Variants in KLF12 observed in about 807,000 individuals in gnomAD.
KLF12 encodes the protein KLF transcription factor 12.
In KLF12, 9 loss-of-function variants were observed where a neutral mutation model predicts 37.8. The ratio of observed to expected loss-of-function variants is 0.24; its 90% CI spans 0.14 to 0.42. KLF12 has a LOEUF of 0.42. KLF12 is among the 10% of genes least tolerant of loss of function. KLF12 has a pLI of 1.00. For missense variants in KLF12, 411 were observed against 516.0 expected, an observed-to-expected ratio of 0.80 and a Z score of 1.97; for synonymous variants, 208 against 202.1, an observed-to-expected ratio of 1.03 and a Z score of -0.25.
At chr13:73,915,615 C>T (rs1275101496) in intron 3 of KLF12, among the ~76,000 whole-genome samples, 2 of 151,776 alleles carry the variant, frequency 1.3e-5, no homozygotes, top group African/African-American at 4.8e-5. Context: ...CAGGTTCATG[C>T]CATTCTCCTG....
At chr13:73,753,183 T>TGGGAC (rs1280487120) in intron 6 of KLF12, among the ~76,000 whole-genome samples, 1 of 152,026 alleles carries the variant, frequency 6.6e-6, no homozygotes, top group Non-Finnish European at 1.5e-5. Flanking sequence ...GGACTACATG[T>TGGGAC]TTCTGCTCCC....
chr13:73,720,952 AAAAACCAGAGCAG>A (rs1459078398), intron 6 of KLF12, among the ~76,000 whole-genome samples: 3 of 152,232 alleles, frequency 2.0e-5, no homozygotes, highest in African/African-American at 7.2e-5. Flanking sequence ...TCCCAGATTT[AAAAACCAGAGCAG>A]AAAACACTGG....
At chr13:74,204,634 G>A in the KLF12 span, among the ~76,000 whole-genome samples, 1 of 152,066 alleles carries the variant, frequency 6.6e-6, no homozygotes, top group Admixed American at 6.6e-5. Flanking sequence ...GAGATACATA[G>A]AATGGCTTGC....
At chr13:73,794,466 T>C (rs963835785) in intron 5 of KLF12, among the ~76,000 whole-genome samples, 1 of 152,098 alleles carries the variant, frequency 6.6e-6, no homozygotes, top group Non-Finnish European at 1.5e-5. Flanking sequence ...TCTCAAAAGA[T>C]ACAAATAAAA....
chr13:73,969,945 C>T (rs1239692344), intron 2 of KLF12, among the ~76,000 whole-genome samples: 1 of 152,160 alleles, frequency 6.6e-6, no homozygotes, highest in Non-Finnish European at 1.5e-5. Context: ...TAGAGACCTC[C>T]TTATAATTTT....
the KLF12 span, among the ~76,000 whole-genome samples, chr13:74,168,299 G>T: frequency 6.6e-6 from 1 of 152,188 alleles, no homozygotes; most frequent in Non-Finnish European, 1.5e-5. Flanking sequence ...CCCTTCAGCT[G>T]CTCTGCAGCC....
At chr13:74,122,947 C>T (rs1228982663) in intron 1 of KLF12, among the ~76,000 whole-genome samples, 3 of 42,720 alleles carry the variant, frequency 7.0e-5, no homozygotes, top group Non-Finnish European at 1.4e-4. Context: ...AAGTAAAAGA[C>T]AAAACAGGTC....
the KLF12 span, among the ~76,000 whole-genome samples, chr13:74,190,554 C>A: frequency 6.6e-5 from 10 of 152,176 alleles, no homozygotes; most frequent in Admixed American, 5.9e-4. Flanking sequence ...TTTCTTTCAG[C>A]TATTAATTTT....
At chr13:74,147,246 C>T in the KLF12 span, among the ~76,000 whole-genome samples, 2 of 151,916 alleles carry the variant, frequency 1.3e-5, no homozygotes, top group African/African-American at 4.8e-5. Context: ...AAGAGCCTCC[C>T]TTGGGGAACA....
At chr13:74,203,688 A>G in the KLF12 span, among the ~76,000 whole-genome samples, 2 of 152,140 alleles carry the variant, frequency 1.3e-5, no homozygotes, top group Non-Finnish European at 2.9e-5. Flanking sequence ...AGGGTTTAAA[A>G]TGTCCTTCCC....
At chr13:73,808,887 G>C (rs1161204973) in intron 5 of KLF12, among the ~76,000 whole-genome samples, 1 of 152,156 alleles carries the variant, frequency 6.6e-6, no homozygotes, top group Non-Finnish European at 1.5e-5. Context: ...GCTGGCCCAG[G>C]GCAAGGCAAT....
At position 73,846,055 on chromosome 13, in the gene KLF12, G is replaced by A. The variant is rs1289815867; in HGVS notation, c.442C>T (p.Leu148Phe). The change falls in exon 4 of 8, where the codon CTT becomes TTT. Residue 148 changes from leucine (L) to phenylalanine (F), a missense_variant. By Grantham distance (22) the Leu-to-Phe change is conservative (BLOSUM62 0). Coordinates refer to ENST00000377669, the MANE Select transcript of KLF12 (RefSeq NM_007249.5). ...CCAACACCAGATGCAGAGGCCACAA[G>A]GGGCCCTGGAGTTAATACTGTTGAC... 3 of 1,613,934 alleles carry A rather than the reference G, an allele frequency of 1.9e-6. No individual in the cohort carries two copies. Among genetic ancestry groups the A allele is most frequent in the Non-Finnish European group, 2.5e-6 (3 of 1,179,998 alleles).
chr13:73,776,508 T>C (rs1038695569), intron 5 of KLF12, among the ~76,000 whole-genome samples: 1 of 152,136 alleles, frequency 6.6e-6, no homozygotes, highest in Non-Finnish European at 1.5e-5. Flanking sequence ...AGCCCACCAA[T>C]AGGATTGGAC....
At chr13:74,121,478 A>G (rs1234391523) in intron 1 of KLF12, among the ~76,000 whole-genome samples, 2 of 152,230 alleles carry the variant, frequency 1.3e-5, no homozygotes, top group Non-Finnish European at 1.5e-5. Flanking sequence ...AAAACAAACA[A>G]GCAAACAAAA....
At chr13:74,224,218 T>C in the KLF12 span, among the ~76,000 whole-genome samples, 1 of 152,208 alleles carries the variant, frequency 6.6e-6, no homozygotes, top group African/African-American at 2.4e-5. Context: ...ATTGATCATC[T>C]GCAGAAATAT....
chr13:73,980,670 C>A (rs999534154), intron 2 of KLF12, among the ~76,000 whole-genome samples: 4 of 152,034 alleles, frequency 2.6e-5, no homozygotes, highest in African/African-American at 9.7e-5. Context: ...GAAAAATGGT[C>A]AAAAGACAAA....
chr13:74,300,107 T>TA, the KLF12 span, among the ~76,000 whole-genome samples: 3 of 152,098 alleles, frequency 2.0e-5, no homozygotes, highest in Admixed American at 6.6e-5. Context: ...TGGGCATCTT[T>TA]AAAAAAATTC....
intron 6 of KLF12, among the ~76,000 whole-genome samples, chr13:73,753,106 A>G (rs1878897910): frequency 6.6e-6 from 1 of 151,768 alleles, no homozygotes; most frequent in South Asian, 2.1e-4. Flanking sequence ...TAAGCCTGAA[A>G]CATAAGACTC....
chr13:73,861,356 G>C (rs1365275171), intron 3 of KLF12, among the ~76,000 whole-genome samples: 1 of 152,204 alleles, frequency 6.6e-6, no homozygotes, highest in East Asian at 1.9e-4. Context: ...TTCCTGCGCA[G>C]TGAACTCTAC....
Sources: allele counts gnomAD v4.1 joint callset (sites outside exome capture counted in the v4.1 genomes callset), GRCh38; gene constraint gnomAD v4.1.1; transcripts MANE v1.5; gene names NCBI Gene and HGNC (gene_info 2026-07-23, HGNC 2026-07-21).